Variants in NOS3 observed in about 807,000 individuals in gnomAD.
NOS3 encodes the protein nitric oxide synthase 3.
In NOS3, 98 loss-of-function variants were observed where a neutral mutation model predicts 144.9. That is an observed-to-expected ratio of 0.68 (90% CI 0.57 to 0.80). NOS3 has a LOEUF of 0.80. Ranked by LOEUF, NOS3 falls within the 30% of genes least tolerant of loss-of-function variation. The pLI is 0.00. For synonymous variants in NOS3, 714 were observed against 702.4 expected (o/e 1.02, Z -0.26); for missense variants, 1,465 against 1,656.4 (o/e 0.88, Z 2.01).
In NOS3 at chr7:150,998,634, AG is replaced by A. The variant is rs754658772; in HGVS notation, c.772del (p.Asp258MetfsTer101). On this transcript the variant is annotated frameshift_variant, in exon 7 of 27. Coordinates refer to ENST00000297494, the MANE Select transcript of NOS3 (RefSeq NM_000603.5). LOFTEE classifies it high-confidence loss of function. This position sits in a 1 kb window ranked among gnomAD's most constrained non-coding sequence, Gnocchi z 5.0. ...QLVRYAGYRQ[Q>X]DGSVRGDPAN... ...GTGCGCTACGCGGGCTACCGGCAGC[AG>A]GATGGCTCTGTGCGGGGGGACCCAG... is the stretch of plus-strand genomic sequence containing the variant. The A allele has an allele frequency of 6.2e-7, 1 of 1,609,566 alleles. No homozygotes were observed. The highest frequency in any genetic ancestry group is 2.2e-5 in the East Asian group (1 of 44,766).
chr7:151,010,619 G>A lies in NOS3; in HGVS notation c.2708G>A (p.Trp903Ter). Residue 903 changes from tryptophan to a stop codon, truncating the protein, a stop_gained, in exon 22 of 27, where the codon TGG becomes TAG. Coordinates refer to ENST00000297494, the MANE Select transcript of NOS3 (RefSeq NM_000603.5). LOFTEE classifies it high-confidence loss of function. ...LSQDPRRYEE[W>*]KWFRCPTLLE... ...CAGGATCCCCGACGCTACGAGGAGT[G>A]GAAGTGGTTCCGCTGCCCCACGCTG... The A allele has an allele frequency of 6.2e-7, 1 of 1,600,232 alleles. No individual in the cohort carries two copies. Among genetic ancestry groups the A allele is most frequent in the Non-Finnish European group, 8.5e-7 (1 of 1,173,592 alleles).
Position 150,999,239 on chromosome 7 carries a change from G to A in NOS3, c.1006G>A (p.Val336Met). The A allele has an allele frequency of 6.2e-7, 1 of 1,612,056 alleles. No individual in the cohort carries two copies. The highest frequency in any genetic ancestry group is 8.5e-7 in the Non-Finnish European group (1 of 1,179,686). ...LGLRWYALPA[V>M]SNMLLEIGGL... is the part of the protein sequence containing the mutation. ...CCTGCGCTGGTACGCCCTCCCGGCA[G>A]TGTCCAACATGCTGCTGGAAATTGG... The change falls in exon 9 of 27, where the codon GTG becomes ATG. Residue 336 changes from valine to methionine, a missense_variant. Transcript: ENST00000297494.
intron 12 of NOS3, 98 bp downstream of exon 12, chr7:151,001,715 C>T: frequency 6.3e-7 from 1 of 1,575,456 alleles, no homozygotes; most frequent in Non-Finnish European, 8.7e-7. Flanking sequence ...TGTTCTGGGC[C>T]TACCACTCAG....
chr7:151,006,767 C>A, intron 15 of NOS3, 122 bp from the exon 16 acceptor site: 3 of 838,050 alleles, frequency 3.6e-6, no homozygotes, highest in Non-Finnish European at 5.9e-6. Flanking sequence ...CAGCCCCTCC[C>A]AAGGGCAGGG....
At chr7:151,001,450 A>G (rs1325186196) in intron 11 of NOS3, 25 bp downstream of exon 11, 2 of 1,590,854 alleles carry the variant, frequency 1.3e-6, no homozygotes, top group Non-Finnish European at 1.7e-6. Context: ...TGGCTCTGCC[A>G]GCCTGGGCCC....
rs3918196 is a variant in NOS3 at position 151,008,754 on chromosome 7, G to A, written c.2113-176G>A. ...GAGAAAGAGCCAGCCGGGTCCCTGG[G>A]CCCAGCGGCCAATCCATGAAATGGG... On this transcript the variant is annotated intron_variant, in intron 17 of 26. Transcript: ENST00000297494. 50,999 of 657,914 alleles carry A rather than the reference G, an allele frequency of 0.078. 2,376 individuals carry two copies. Among genetic ancestry groups the A allele is most frequent in the East Asian group, 0.18 (6,264 of 34,286 alleles). 40.8% of individuals were successfully genotyped at this position (657,914 alleles called of 1,614,324 possible).
In NOS3 at chr7:151,008,974, C is replaced by A; in HGVS notation, c.2157C>A (p.Ala719=). 6.2e-7 allele frequency: 1 copy of A among 1,611,042 alleles called. No homozygotes were observed. Among genetic ancestry groups the A allele is most frequent in the Non-Finnish European group, 8.5e-7 (1 of 1,179,272 alleles). Residue 719 remains alanine (A), a synonymous_variant, in exon 18 of 27, where the codon GCC becomes GCA. Coordinates refer to ENST00000297494, the MANE Select transcript of NOS3 (RefSeq NM_000603.5). ...GTGTGGGAGAGGATGCCAAGGCCGC[C>A]GCCCGAGACATCTTCAGCCCCAAAC... ...TFCVGEDAKA[A]ARDIFSPKRS...
rs1416630819 is a variant in NOS3 at position 151,000,434 on chromosome 7, T to C, written c.1132-64T>C. The C allele has an allele frequency of 4.9e-6, 5 of 1,027,958 alleles. No homozygotes were observed. The East Asian group carries it at 1.2e-4, about 24-fold the overall frequency. 63.7% of individuals were successfully genotyped at this position (1,027,958 alleles called of 1,614,324 possible). Reference sequence around the variant, plus strand: ...AGCCATGTACGGGAAACAGAGATAGTCTCCCCACCCCACCCCCGTGATCAC... The same window carrying C: ...AGCCATGTACGGGAAACAGAGATAGCCTCCCCACCCCACCCCCGTGATCAC... On this transcript the variant is annotated intron_variant, in intron 9 of 26. Transcript: ENST00000297494.
Position 151,013,846 on chromosome 7 carries a change from C to G in NOS3, c.3378C>G (p.Thr1126=). 2.5e-6 allele frequency: 4 copies of G among 1,605,748 alleles called. No individual in the cohort carries two copies. Among genetic ancestry groups the G allele is most frequent in the African/African-American group, 2.7e-5 (2 of 74,968 alleles). The change falls in exon 26 of 27, where the codon ACC becomes ACG. Residue 1126 remains threonine, a synonymous_variant. Coordinates refer to ENST00000297494, the MANE Select transcript of NOS3 (RefSeq NM_000603.5). ...DVTMATNVLQ[T]VQRILATEGD... ...CCATGGCAACCAACGTCCTGCAGACCGTGCAGCGCATCCTGGCGACGGAGG... is the reference window on the plus strand; with the variant it reads ...CCATGGCAACCAACGTCCTGCAGACGGTGCAGCGCATCCTGGCGACGGAGG...
chr7:150,995,135 G>A lies in NOS3; in HGVS notation c.159-68G>A, dbSNP rs567038918. On this transcript the variant is annotated intron_variant, in intron 2 of 26. Transcript: ENST00000297494. ...CGCCAGTGCTGTAACAGGGGCCTCC[G>A]GGTGACATCTGGGAAGGCTGAAAGG... is the stretch of plus-strand genomic sequence containing the variant. The A allele has an allele frequency of 7.8e-5, 67 of 864,514 alleles. 1 individual carries two copies. In the East Asian group the frequency reaches 1.1e-3, roughly 14 times the overall value. The allele number at this position is 864,514 out of a possible 1,614,324, so 53.6% of individuals were successfully genotyped here. A position where few individuals can be genotyped will look rare whatever the true frequency, so the allele number is the denominator to read the frequency against.
chr7:151,003,397 A>AT lies in NOS3; in HGVS notation c.1752+1095dup. 2 of 1,228,764 alleles carry AT rather than the reference A, an allele frequency of 1.6e-6. No individual in the cohort carries two copies. The highest frequency in any genetic ancestry group is 1.0e-6 in the Non-Finnish European group (1 of 955,118). The allele number at this position is 1,228,764 out of a possible 1,614,324, so 76.1% of individuals were successfully genotyped here. A position where few individuals can be genotyped will look rare whatever the true frequency, so the allele number is the denominator to read the frequency against. On this transcript the variant is annotated intron_variant, in intron 14 of 26. Transcript: ENST00000297494. The surrounding 1 kb of genome is among the most constrained non-coding windows in gnomAD (Gnocchi z 4.1). ...TGCCTCGGCCTCCCAAAGTGCTGCG[A>AT]TTATAGACGTGAGCCACTGCACCTG... is the stretch of plus-strand genomic sequence containing the variant.
At chr7:151,005,816 C>T (rs554006230) in intron 14 of NOS3, among the ~76,000 whole-genome samples, 1 of 152,262 alleles carries the variant, frequency 6.6e-6, no homozygotes, top group South Asian at 2.1e-4. Flanking sequence ...TCGCTTGAGC[C>T]CAGGAGTTCA....
Position 150,996,830 on chromosome 7 carries a change from T to C in NOS3, c.487T>C (p.Tyr163His), listed in dbSNP as rs1802437998. The C allele has an allele frequency of 1.9e-6, 3 of 1,610,654 alleles. No individual in the cohort carries two copies. The highest frequency in any genetic ancestry group is 2.5e-6 in the Non-Finnish European group (3 of 1,179,304). The change falls in exon 5 of 27, where the codon TAC becomes CAC. Residue 163 changes from tyrosine (Y) to histidine (H), a missense_variant. Transcript: ENST00000297494. ...VEAEVAATGT[Y>H]QLRESELVFG... ...AGCCGAGGTGGCAGCCACAGGCACC[T>C]ACCAGCTTAGGGAGAGCGAGCTGGT...
intron 4 of NOS3, 76 bp downstream of exon 4, chr7:150,996,628 C>T: frequency 6.6e-7 from 1 of 1,511,232 alleles, no homozygotes; most frequent in Non-Finnish European, 9.0e-7. Context: ...CTTCCCATGA[C>T]CCCCTCCCTT....
chr7:151,000,638 G>A (rs772395139), intron 10 of NOS3, 39 bp downstream of exon 10: 8 of 1,364,068 alleles, frequency 5.9e-6, no homozygotes, highest in Non-Finnish European at 8.4e-6. Flanking sequence ...CAAAGGGTTT[G>A]CATACGGGGG....
chr7:150,996,962 C>A, intron 5 of NOS3, 37 bp downstream of exon 5: 1 of 1,536,290 alleles, frequency 6.5e-7, no homozygotes, highest in Non-Finnish European at 8.8e-7. Flanking sequence ...CCGGGCGCTA[C>A]CAAAAGGGGA....
At position 150,998,389 on chromosome 7, in the gene NOS3, G is replaced by A; in HGVS notation, c.615G>A (p.Gln205=). Residue 205 remains glutamine (Q), a synonymous_variant, in exon 6 of 27, where the codon CAG becomes CAA. Transcript: ENST00000297494. This position sits in a 1 kb window ranked among gnomAD's most constrained non-coding sequence, Gnocchi z 5.0. ...ATGCCCGGGACTGCAGGTCTGCACA[G>A]GAAATGTTCACCTACATCTGCAACC... is the stretch of plus-strand genomic sequence containing the variant. ...VFDARDCRSA[Q]EMFTYICNHI... 2 of 1,612,462 alleles carry A rather than the reference G, an allele frequency of 1.2e-6. No homozygotes were observed. The highest frequency in any genetic ancestry group is 1.7e-6 in the Non-Finnish European group (2 of 1,179,864).
intron 14 of NOS3, among the ~76,000 whole-genome samples, chr7:151,005,561 A>G (rs1795194279): frequency 6.6e-6 from 1 of 152,192 alleles, no homozygotes; most frequent in Admixed American, 6.5e-5. Context: ...AGGAGTGAGG[A>G]AAGAGCTGTG....
Position 150,999,367 on chromosome 7 carries a change from G to A in NOS3, c.1131+3G>A. 1 of 1,565,190 alleles carries A rather than the reference G, an allele frequency of 6.4e-7. No individual in the cohort carries two copies. Among genetic ancestry groups the A allele is most frequent in the Non-Finnish European group, 8.7e-7 (1 of 1,153,900 alleles). On this transcript the variant is annotated splice_donor_region_variant and intron_variant, in intron 9 of 26. Coordinates refer to ENST00000297494, the MANE Select transcript of NOS3 (RefSeq NM_000603.5). ...CTCACCGCTACAACATCCTGGAGGTGAGGTGCGGGATGGGGCTCGGGCACC... is the reference window on the plus strand; with the variant it reads ...CTCACCGCTACAACATCCTGGAGGTAAGGTGCGGGATGGGGCTCGGGCACC...
Sources: allele counts gnomAD v4.1 joint callset (sites outside exome capture counted in the v4.1 genomes callset), GRCh38; gene constraint gnomAD v4.1.1; non-coding constraint Gnocchi (gnomAD v3.1); transcripts MANE v1.5; gene names NCBI Gene and HGNC (gene_info 2026-07-23, HGNC 2026-07-21).